ABCC11: variants seen among roughly 807,000 people sequenced by gnomAD.
The protein encoded by ABCC11 is ATP binding cassette subfamily C member 11.
A neutral mutation model predicts 149.3 loss-of-function variants in ABCC11; 135 were observed. The observed-to-expected ratio is 0.90, with a 90% CI of 0.79 to 1.04. The LOEUF is 1.04. Ranked by LOEUF, ABCC11 falls within the 50% of genes least tolerant of loss-of-function variation. The pLI, the probability that ABCC11 is intolerant of heterozygous loss-of-function variation, is 0.00. For synonymous variants in ABCC11, 665 were observed against 671.4 expected (o/e 0.99, Z 0.15); for missense variants, 1,680 against 1,722.1 (o/e 0.98, Z 0.43).
intron 6 of ABCC11, among the ~76,000 whole-genome samples, chr16:48,216,560 A>G (rs749838565): frequency 6.6e-6 from 1 of 152,212 alleles, no homozygotes; most frequent in Admixed American, 6.5e-5. Context: ...AATAACATAG[A>G]AAGTGTCTGC....
intron 1 of ABCC11, among the ~76,000 whole-genome samples, chr16:48,243,937 C>G (rs368901912): frequency 6.6e-6 from 1 of 151,872 alleles, no homozygotes; most frequent in East Asian, 1.9e-4. Context: ...GGCTGCAAGC[C>G]GTGGGTATCG....
chr16:48,182,688 C>A (rs1966516595), intron 23 of ABCC11, among the ~76,000 whole-genome samples: 1 of 150,638 alleles, frequency 6.6e-6, no homozygotes, highest in Non-Finnish European at 1.5e-5. Context: ...GAGGCTGAGG[C>A]AGGAGAATGG....
intron 2 of ABCC11, among the ~76,000 whole-genome samples, 181 bp downstream of exon 2, chr16:48,231,642 C>T: frequency 8.2e-6 from 1 of 121,466 alleles, no homozygotes; most frequent in African/African-American, 3.2e-5. Context: ...GCCTGGGTGA[C>T]AAAGCAAGAC....
chr16:48,235,900 C>A (rs1970663148), intron 1 of ABCC11, among the ~76,000 whole-genome samples: 1 of 152,138 alleles, frequency 6.6e-6, no homozygotes, highest in African/African-American at 2.4e-5. Flanking sequence ...GGAGGGGAGC[C>A]ACTGGAGCGG....
chr16:48,184,476 G>T lies in ABCC11; in HGVS notation c.3222C>A (p.Tyr1074Ter). The change falls in exon 23 of 30, where the codon TAC (tyrosine) becomes TAA (stop). Residue 1074 changes from tyrosine (Y) to a stop codon, truncating the protein, a stop_gained. Coordinates refer to ENST00000356608, the MANE Select transcript of ABCC11 (RefSeq NM_001370497.1). LOFTEE classifies it high-confidence loss of function. ...TGTTGACAGCCATGACTTTAAAGGA[G>T]TAGGGGGTGGAGGAAATGCCAAAAG... is the stretch of plus-strand genomic sequence containing the variant. The part of the protein sequence containing the change: ...FVAFGISSTP[Y>*]SFKVMAVNIV... 1 of 1,614,214 alleles carries T rather than the reference G, an allele frequency of 6.2e-7. No homozygotes were observed. Among genetic ancestry groups the T allele is most frequent in the Non-Finnish European group, 8.5e-7 (1 of 1,180,028 alleles).
In ABCC11 at chr16:48,166,917, T is replaced by C. The variant is rs1596639930; in HGVS notation, c.*357A>G. ...GAAGCAGAACAAAGAAAGTGAGTTT[T>C]CCTTAGTTTTATATTTTACAAAGTC... On this transcript the variant is annotated 3_prime_UTR_variant, in exon 30 of 30. Coordinates refer to ENST00000356608, the MANE Select transcript of ABCC11 (RefSeq NM_001370497.1). 2 of 181,806 alleles carry C rather than the reference T, an allele frequency of 1.1e-5. No homozygotes were observed. The highest frequency in any genetic ancestry group is 3.1e-4 in the East Asian group (2 of 6,510). 11.3% of individuals were successfully genotyped at this position (181,806 alleles called of 1,614,324 possible).
intron 13 of ABCC11, among the ~76,000 whole-genome samples, chr16:48,205,155 A>G (rs751390689): frequency 3.9e-5 from 6 of 152,220 alleles, no homozygotes; most frequent in Non-Finnish European, 8.8e-5. Flanking sequence ...TCTGAAAGCA[A>G]CTGGGTTCAA....
chr16:48,200,881 T>C (rs1172458390), intron 14 of ABCC11, among the ~76,000 whole-genome samples: 1 of 152,202 alleles, frequency 6.6e-6, no homozygotes. Context: ...GCAGAGCTAG[T>C]AGATAGGATT....
chr16:48,211,285 G>C, intron 10 of ABCC11, 86 bp from the exon 11 acceptor site: 6 of 1,486,716 alleles, frequency 4.0e-6, no homozygotes, highest in Non-Finnish European at 5.5e-6. Flanking sequence ...AAGTCTGCCA[G>C]TTGGTATGGT....
At chr16:48,169,832 G>T (rs1012028953) in intron 28 of ABCC11, among the ~76,000 whole-genome samples, 2 of 151,906 alleles carry the variant, frequency 1.3e-5, no homozygotes, top group African/African-American at 4.8e-5. Context: ...GAGTTAACGG[G>T]TGCAGCACAC....
intron 23 of ABCC11, 128 bp from the exon 24 acceptor site, chr16:48,178,814 C>T: frequency 1.2e-6 from 1 of 812,418 alleles, no homozygotes; most frequent in Non-Finnish European, 2.0e-6. Flanking sequence ...ATTTTCCTAG[C>T]AAGAATGGAG....
Position 48,203,320 on chromosome 16 carries a change from A to G in ABCC11, c.1806-20T>C, listed in dbSNP as rs372130229. 101 of 1,562,828 alleles carry G rather than the reference A, an allele frequency of 6.5e-5. No homozygotes were observed. The highest frequency in any genetic ancestry group is 8.5e-5 in the Non-Finnish European group (98 of 1,151,644). On this transcript the variant is annotated intron_variant, in intron 13 of 29. Transcript: ENST00000356608. ...AGGTATCTGTGAAGGACAGGGAGCC[A>G]TAAGGCACAGGGGACCAGCCCTCCC... is the stretch of plus-strand genomic sequence containing the variant.
chr16:48,242,191 G>C (rs1971000784), intron 1 of ABCC11, among the ~76,000 whole-genome samples: 1 of 151,966 alleles, frequency 6.6e-6, no homozygotes, highest in African/African-American at 2.4e-5. Flanking sequence ...ACTTAAACAA[G>C]TTTACAAGAA....
At chr16:48,178,550 C>A (rs201737468) in intron 24 of ABCC11, 47 bp downstream of exon 24, 1 of 1,584,958 alleles carries the variant, frequency 6.3e-7, no homozygotes, top group Non-Finnish European at 8.7e-7. Flanking sequence ...AGAAGTCATG[C>A]CCCAACTTGC....
At chr16:48,236,999 G>A (rs1970722274) in intron 1 of ABCC11, among the ~76,000 whole-genome samples, 1 of 152,136 alleles carries the variant, frequency 6.6e-6, no homozygotes. Context: ...GGTCATCACC[G>A]AGGTCTGATT....
intron 23 of ABCC11, among the ~76,000 whole-genome samples, chr16:48,180,545 C>T (rs1457828961): frequency 1.3e-5 from 2 of 152,172 alleles, no homozygotes; most frequent in Non-Finnish European, 2.9e-5. Context: ...TTCTTTGCCT[C>T]GCAGCCAGAT....
chr16:48,198,961 G>GAA (rs1427160196), intron 15 of ABCC11, among the ~76,000 whole-genome samples: 8 of 151,824 alleles, frequency 5.3e-5, no homozygotes, highest in Non-Finnish European at 1.0e-4. Flanking sequence ...TTGAACCTGG[G>GAA]AAGTGGAGGC....
At position 48,222,369 on chromosome 16, in the gene ABCC11, C is replaced by T. The variant is rs141356922; in HGVS notation, c.777+229G>A. ...CTACTTGTTGAATGAATGGATAAATCCTCTCTAGTCTCTGAATGTAAGTGG... is the reference window on the plus strand; with the variant it reads ...CTACTTGTTGAATGAATGGATAAATTCTCTCTAGTCTCTGAATGTAAGTGG... On this transcript the variant is annotated intron_variant, in intron 6 of 29. Transcript: ENST00000356608. Among the ~76,000 whole-genome samples, 359 of 152,282 alleles carry T rather than the reference C, an allele frequency of 2.4e-3. 2 individuals are homozygous for T. Among genetic ancestry groups the T allele is most frequent in the African/African-American group, 8.0e-3 (331 of 41,544 alleles).
In ABCC11 at chr16:48,166,504, C is replaced by T. The variant is rs554579754; in HGVS notation, c.*770G>A. Among the ~76,000 whole-genome samples, 4 of 152,322 alleles carry T rather than the reference C, an allele frequency of 2.6e-5. No individual in the cohort carries two copies. The East Asian group carries it at 7.7e-4, about 29-fold the overall frequency. ...CTGTATCTTTCTGTTACAAGACCAACAAACTCTTTTTTTTTTCCAAAGTTA... is the reference window on the plus strand; with the variant it reads ...CTGTATCTTTCTGTTACAAGACCAATAAACTCTTTTTTTTTTCCAAAGTTA... On this transcript the variant is annotated 3_prime_UTR_variant, in exon 30 of 30. Coordinates refer to ENST00000356608, the MANE Select transcript of ABCC11 (RefSeq NM_001370497.1).
Sources: gnomAD v4.1 joint callset for allele counts (sites outside exome capture counted in the v4.1 genomes callset) on GRCh38, gnomAD v4.1.1 for gene constraint, MANE v1.5 for transcripts, NCBI Gene and HGNC (gene_info 2026-07-23, HGNC 2026-07-21) for gene names.